Variants in CDC42BPA observed in about 807,000 individuals in gnomAD.
The protein encoded by CDC42BPA is CDC42 binding protein kinase alpha.
CDC42BPA carries 80 observed loss-of-function variants against 223.5 expected under a neutral mutation model. That is an observed-to-expected ratio of 0.36 (90% confidence interval 0.30 to 0.43). CDC42BPA has a LOEUF of 0.43. Among genes scored for constraint, CDC42BPA ranks in the 20% least tolerant of loss-of-function variants. The probability of loss-of-function intolerance (pLI) is 1.00; values close to 1 mark genes in which losing one functional copy is unlikely to be tolerated. For synonymous variants in CDC42BPA, 694 were observed against 718.6 expected, an observed-to-expected ratio of 0.97 and a Z score of 0.55; for missense variants, 1,743 against 2,099.9, an observed-to-expected ratio of 0.83 and a Z score of 3.32.
Position 227,028,638 on chromosome 1 carries a change from G to GT in CDC42BPA, c.4432+18dup, listed in dbSNP as rs889327116. The GT allele has an allele frequency of 8.2e-6, 12 of 1,468,838 alleles. No individual in the cohort carries two copies. Among genetic ancestry groups the GT allele is most frequent in the South Asian group, 1.3e-5 (1 of 75,172 alleles). 91.0% of individuals were successfully genotyped at this position (1,468,838 alleles called of 1,614,324 possible). Reference sequence around the variant, plus strand: ...GAAGAGATATAAAGATAAGACAGCCGTAAGAAAGAGAATCTTACAACAAGA... The same window carrying GT: ...GAAGAGATATAAAGATAAGACAGCCGTTAAGAAAGAGAATCTTACAACAAGA... On this transcript the variant is annotated intron_variant, in intron 30 of 36. Transcript: ENST00000366766.
chr1:227,038,943 G>A (rs1425407217), intron 24 of CDC42BPA, among the ~76,000 whole-genome samples: 2 of 152,170 alleles, frequency 1.3e-5, no homozygotes, highest in African/African-American at 4.8e-5. Flanking sequence ...GATAGCACCT[G>A]TTTATAATGA....
At position 227,150,699 on chromosome 1, in the gene CDC42BPA, A is replaced by C. The variant is rs568470295; in HGVS notation, c.694-3140T>G. Among the ~76,000 whole-genome samples, 8 of 152,236 alleles carry C rather than the reference A, an allele frequency of 5.3e-5. No individual in the cohort carries two copies. The Middle Eastern group carries it at 0.02, about 388-fold the overall frequency. ...TAAATGGTGGTTAATTGGATAACAT[A>C]ATGAAGAAGAAGGAGGACAAGGACT... On this transcript the variant is annotated intron_variant, in intron 6 of 36. Coordinates refer to ENST00000366766, the MANE Select transcript of CDC42BPA (RefSeq NM_001394014.1).
intron 2 of CDC42BPA, among the ~76,000 whole-genome samples, chr1:227,221,923 A>G (rs1258449154): frequency 6.6e-6 from 1 of 151,854 alleles, no homozygotes; most frequent in Non-Finnish European, 1.5e-5. Flanking sequence ...ACTGGCTACA[A>G]AGAAATTATT....
At chr1:227,166,131 C>T (rs944742005) in intron 5 of CDC42BPA, among the ~76,000 whole-genome samples, 2 of 152,118 alleles carry the variant, frequency 1.3e-5, no homozygotes, top group Non-Finnish European at 2.9e-5. Context: ...ACAATGAGTA[C>T]AATTATACAT....
At chr1:227,038,643 T>C (rs1310891128) in intron 24 of CDC42BPA, among the ~76,000 whole-genome samples, 2 of 152,198 alleles carry the variant, frequency 1.3e-5, no homozygotes, top group African/African-American at 4.8e-5. Flanking sequence ...TTCCTACTTG[T>C]TGGGTGCCAA....
Position 227,291,464 on chromosome 1 carries a change from G to A in CDC42BPA, c.178+25541C>T, listed in dbSNP as rs375873235. ...CTCAGGAGGCTGAGGCAGGAGAATC[G>A]CTTGAATCCAGGAGGCGGAGGTTGT... On this transcript the variant is annotated intron_variant, in intron 1 of 36. Coordinates refer to ENST00000366766, the MANE Select transcript of CDC42BPA (RefSeq NM_001394014.1). Among the ~76,000 whole-genome samples the A allele has an allele frequency of 8.5e-5, 13 of 152,190 alleles. No individual in the cohort carries two copies. The South Asian group carries it at 1.7e-3, about 19-fold the overall frequency.
At chr1:227,085,634 TAG>T (rs1681703398) in intron 16 of CDC42BPA, among the ~76,000 whole-genome samples, 1 of 152,248 alleles carries the variant, frequency 6.6e-6, no homozygotes, top group Admixed American at 6.5e-5. Context: ...TTTATGCATA[TAG>T]AGTTTGTCTG....
intron 34 of CDC42BPA, among the ~76,000 whole-genome samples, chr1:227,014,975 C>CT (rs1383745923): frequency 1.3e-5 from 2 of 151,582 alleles, no homozygotes; most frequent in Non-Finnish European, 2.9e-5. Flanking sequence ...ACTTTTTTTT[C>CT]TTTTTTTGAG....
chr1:227,006,896 G>A (rs961289531), intron 34 of CDC42BPA, among the ~76,000 whole-genome samples: 10 of 151,778 alleles, frequency 6.6e-5, no homozygotes, highest in East Asian at 1.9e-4. Context: ...CCAAGATCAC[G>A]CCACTGCACT....
At chr1:227,185,043 C>T (rs1668529577) in intron 5 of CDC42BPA, among the ~76,000 whole-genome samples, 1 of 152,122 alleles carries the variant, frequency 6.6e-6, no homozygotes, top group Non-Finnish European at 1.5e-5. Context: ...ATCTTTATAA[C>T]ATCATACCGT....
rs1694630548 is a variant in CDC42BPA at position 227,317,733 on chromosome 1, GAT to G, written c.-553_-552del. 1 of 398,426 alleles carries G rather than the reference GAT, an allele frequency of 2.5e-6. No individual in the cohort carries two copies. The highest frequency in any genetic ancestry group is 2.1e-5 in the African/African-American group (1 of 48,618). The allele number at this position is 398,426 out of a possible 1,614,324, so 24.7% of individuals were successfully genotyped here. A position where few individuals can be genotyped will look rare whatever the true frequency, so the allele number is the denominator to read the frequency against. Reference sequence around the variant, plus strand: ...TGCAAATCCTCCCAACCACCACTTGGATAATGCATCAGCGGCAATTTCTCCAG... The same window carrying G: ...TGCAAATCCTCCCAACCACCACTTGGAATGCATCAGCGGCAATTTCTCCAG... On this transcript the variant is annotated 5_prime_UTR_variant, in exon 1 of 37. The change abolishes the stop of an existing upstream ORF in the 5' untranslated region. Transcript: ENST00000366766.
chr1:227,172,675 G>A (rs1034254639), intron 5 of CDC42BPA, among the ~76,000 whole-genome samples: 1 of 151,958 alleles, frequency 6.6e-6, no homozygotes, highest in Non-Finnish European at 1.5e-5. Context: ...ATAGTTGGGG[G>A]AAACTGGGCG....
At chr1:227,126,768 A>G (rs1022296320) in intron 11 of CDC42BPA, among the ~76,000 whole-genome samples, 2 of 152,192 alleles carry the variant, frequency 1.3e-5, no homozygotes, top group South Asian at 4.1e-4. Context: ...TGATACAGAA[A>G]AAGAATCTGA....
chr1:227,222,048 C>T (rs1470589352), intron 2 of CDC42BPA, among the ~76,000 whole-genome samples: 13 of 94,404 alleles, frequency 1.4e-4, no homozygotes, highest in Non-Finnish European at 1.6e-4. Flanking sequence ...GACCCTATCT[C>T]TACCAAAAAA....
chr1:227,242,512 A>C (rs1415213017), intron 2 of CDC42BPA, among the ~76,000 whole-genome samples: 1 of 152,164 alleles, frequency 6.6e-6, no homozygotes. Context: ...AATTCAAAAA[A>C]TTTATGTACA....
intron 1 of CDC42BPA, among the ~76,000 whole-genome samples, chr1:227,270,128 G>A (rs1685723272): frequency 6.6e-6 from 1 of 152,058 alleles, no homozygotes. Context: ...ATAAAATGAA[G>A]TAGACCCACA....
chr1:227,283,696 G>A (rs1688361596), intron 1 of CDC42BPA, among the ~76,000 whole-genome samples: 1 of 152,126 alleles, frequency 6.6e-6, no homozygotes, highest in East Asian at 1.9e-4. Flanking sequence ...GATGAGTACG[G>A]AAGCCCAACC....
chr1:227,273,995 C>CAAAAAAAAAAAAAAAAAAAAAAAAA (rs10599884), intron 1 of CDC42BPA, among the ~76,000 whole-genome samples: 5 of 57,004 alleles, frequency 8.8e-5, no homozygotes, highest in African/African-American at 2.6e-4. Flanking sequence ...TCGTATACAC[C>CAAAAAAAAAAAAAAAAAAAAAAAAA]AAAAAAAAAA....
intron 10 of CDC42BPA, among the ~76,000 whole-genome samples, chr1:227,130,390 T>A (rs1484096545): frequency 6.6e-6 from 1 of 152,248 alleles, no homozygotes; most frequent in Admixed American, 6.5e-5. Context: ...GCATCTGATG[T>A]TGATTTTCTG....
Sources: allele counts gnomAD v4.1 joint callset (sites outside exome capture counted in the v4.1 genomes callset), GRCh38; gene constraint gnomAD v4.1.1; transcripts MANE v1.5; gene names NCBI Gene and HGNC (gene_info 2026-07-23, HGNC 2026-07-21).